The following TAFA1 variants were observed in gnomAD, a reference collection of about 807,000 sequenced individuals.
TAFA1 encodes TAFA chemokine like family member 1.
A neutral mutation model predicts 18.5 loss-of-function variants in TAFA1; 4 were observed. That is an observed-to-expected ratio of 0.22 (90% CI 0.11 to 0.49). The LOEUF (loss-of-function observed/expected upper bound fraction) is 0.49, where lower values mean the gene tolerates loss of function less well. Among genes scored for constraint, TAFA1 ranks in the 20% least tolerant of loss-of-function variants. The probability of loss-of-function intolerance (pLI) is 0.98; values close to 1 mark genes in which losing one functional copy is unlikely to be tolerated. For synonymous variants in TAFA1, 56 were observed against 55.2 expected (o/e 1.01, Z -0.06); for missense variants, 147 against 169.0 (o/e 0.87, Z 0.72).
chr3:68,401,540 G>C (rs2070491090), intron 2 of TAFA1, among the ~76,000 whole-genome samples: 1 of 152,196 alleles, frequency 6.6e-6, no homozygotes, highest in South Asian at 2.1e-4. Context: ...CCTCTGGGTT[G>C]ACTCCATTCT....
chr3:68,184,478 CAAAAGA>C (rs2066245463), intron 2 of TAFA1, among the ~76,000 whole-genome samples: 1 of 151,964 alleles, frequency 6.6e-6, no homozygotes, highest in Non-Finnish European at 1.5e-5. Flanking sequence ...TGTGTGAAAG[CAAAAGA>C]AAGAGAGCTG....
At chr3:68,267,483 C>T (rs1050868478) in intron 2 of TAFA1, among the ~76,000 whole-genome samples, 1 of 152,060 alleles carries the variant, frequency 6.6e-6, no homozygotes, top group East Asian at 1.9e-4. Context: ...GGAAACCAAG[C>T]CTGTGTACCT....
At chr3:68,050,003 C>T (rs2064447888) in intron 2 of TAFA1, among the ~76,000 whole-genome samples, 2 of 152,078 alleles carry the variant, frequency 1.3e-5, no homozygotes, top group South Asian at 4.1e-4. Flanking sequence ...GATGTCCTGG[C>T]TCACATCTCC....
chr3:68,375,440 A>C (rs2069790733), intron 2 of TAFA1, among the ~76,000 whole-genome samples: 1 of 152,170 alleles, frequency 6.6e-6, no homozygotes, highest in Admixed American at 6.6e-5. Context: ...TACTTACTCC[A>C]CACAAGTCAG....
At chr3:68,465,306 G>A (rs2106933286) in intron 3 of TAFA1, among the ~76,000 whole-genome samples, 1 of 152,272 alleles carries the variant, frequency 6.6e-6, no homozygotes, top group East Asian at 1.9e-4. Flanking sequence ...ACATGCTAAA[G>A]ATCACAGATT....
chr3:68,456,032 T>A (rs1174675523), intron 3 of TAFA1, among the ~76,000 whole-genome samples: 13 of 152,148 alleles, frequency 8.5e-5, no homozygotes, highest in Admixed American at 8.5e-4. Context: ...ATAATGGAAT[T>A]CTGGGTAGCC....
chr3:68,381,627 T>C (rs1453914017), intron 2 of TAFA1, among the ~76,000 whole-genome samples: 3 of 152,240 alleles, frequency 2.0e-5, no homozygotes, highest in African/African-American at 4.8e-5. Flanking sequence ...TTTTGTATCC[T>C]GAGACTTTGC....
rs117206661 is a variant in TAFA1 at position 68,192,561 on chromosome 3, A to C, written c.118+185817A>C. 1.2e-3 allele frequency: 186 copies of C among 157,170 alleles called. 3 individuals carry two copies. In the East Asian group the frequency reaches 0.03, roughly 26 times the overall value. 9.7% of individuals were successfully genotyped at this position (157,170 alleles called of 1,614,324 possible). ...GAGAGCTGTATAGTTCACAAACAAA[A>C]CCTAAAAAGTTAAGAGAAATGGAAT... On this transcript the variant is annotated intron_variant, in intron 2 of 4. Coordinates refer to ENST00000478136, the MANE Select transcript of TAFA1 (RefSeq NM_213609.4).
intron 2 of TAFA1, among the ~76,000 whole-genome samples, chr3:68,016,377 T>C (rs1456895087): frequency 6.6e-6 from 1 of 152,198 alleles, no homozygotes; most frequent in Non-Finnish European, 1.5e-5. Context: ...AAACTTTTGC[T>C]TTAGGTTCAG....
intron 2 of TAFA1, among the ~76,000 whole-genome samples, chr3:68,276,328 G>A (rs552404134): frequency 3.0e-4 from 46 of 152,278 alleles, no homozygotes; most frequent in African/African-American, 1.0e-3. Context: ...GCATTATTTA[G>A]TGGCATCGTT....
chr3:68,497,017 C>T (rs761605728), intron 3 of TAFA1, among the ~76,000 whole-genome samples: 1 of 152,140 alleles, frequency 6.6e-6, no homozygotes, highest in Admixed American at 6.5e-5. Context: ...CATGAAAAAG[C>T]CCAGTGGAAA....
At chr3:68,497,287 TTAG>T (rs1276410761) in intron 3 of TAFA1, among the ~76,000 whole-genome samples, 1 of 152,118 alleles carries the variant, frequency 6.6e-6, no homozygotes, top group Non-Finnish European at 1.5e-5. Flanking sequence ...TGCATTCTGG[TTAG>T]TAGGCCACTG....
intron 2 of TAFA1, among the ~76,000 whole-genome samples, chr3:68,017,887 C>T (rs1262990862): frequency 6.6e-6 from 1 of 152,182 alleles, no homozygotes; most frequent in East Asian, 1.9e-4. Context: ...GGAAGCAATT[C>T]ATTCTGAGCA....
At chr3:68,513,150 G>A (rs571569458) in intron 3 of TAFA1, among the ~76,000 whole-genome samples, 25 of 152,168 alleles carry the variant, frequency 1.6e-4, no homozygotes, top group African/African-American at 5.3e-4. Context: ...TTCATCCACA[G>A]GTGCCTCCAG....
At chr3:68,392,709 A>G (rs991734119) in intron 2 of TAFA1, among the ~76,000 whole-genome samples, 14 of 152,224 alleles carry the variant, frequency 9.2e-5, no homozygotes, top group African/African-American at 3.4e-4. Flanking sequence ...AAACTCACTC[A>G]CAACCACTCA....
intron 2 of TAFA1, among the ~76,000 whole-genome samples, chr3:68,064,733 T>C (rs1027292809): frequency 5.3e-5 from 8 of 151,808 alleles, no homozygotes; most frequent in Non-Finnish European, 1.2e-4. Context: ...TTTTTTGCCA[T>C]TTTCTGCTTG....
At chr3:68,280,860 T>C (rs1051750087) in intron 2 of TAFA1, among the ~76,000 whole-genome samples, 4 of 152,298 alleles carry the variant, frequency 2.6e-5, no homozygotes, top group African/African-American at 7.2e-5. Flanking sequence ...GTTCAGATCT[T>C]GGTTCTTCTC....
At chr3:68,078,317 G>A (rs1237930974) in intron 2 of TAFA1, among the ~76,000 whole-genome samples, 7 of 151,566 alleles carry the variant, frequency 4.6e-5, no homozygotes, top group South Asian at 4.2e-4. Context: ...TCTCCTGCCT[G>A]ATTGCCCTGG....
At chr3:68,343,768 A>G (rs116743487) in intron 2 of TAFA1, among the ~76,000 whole-genome samples, 4,199 of 152,298 alleles carry the variant, frequency 0.028, 73 homozygotes, top group Non-Finnish European at 0.04. Flanking sequence ...CTTGACCCAT[A>G]TGAAAATCAA....
Sources: allele counts gnomAD v4.1 joint callset (sites outside exome capture counted in the v4.1 genomes callset), GRCh38; gene constraint gnomAD v4.1.1; transcripts MANE v1.5; gene names NCBI Gene and HGNC (gene_info 2026-07-23, HGNC 2026-07-21).